CNKSR3: variants seen among roughly 807,000 people sequenced by gnomAD.
The protein encoded by CNKSR3 is connector enhancer of kinase suppressor of ras 3.
CNKSR3 carries 36 observed loss-of-function variants against 67.7 expected under a neutral mutation model. The observed-to-expected ratio is 0.53, with a 90% confidence interval of 0.41 to 0.70. The LOEUF is 0.70. CNKSR3 is among the 30% of genes least tolerant of loss of function. The pLI is 0.00. For missense variants in CNKSR3, 630 were observed against 695.2 expected (o/e 0.91, Z 1.05); for synonymous variants, 281 against 271.4 (o/e 1.04, Z -0.35).
chr6:154,502,446 C>G (rs1387749251), intron 1 of CNKSR3, among the ~76,000 whole-genome samples: 2 of 151,850 alleles, frequency 1.3e-5, no homozygotes, highest in African/African-American at 4.8e-5. Flanking sequence ...ATCCACCCAC[C>G]TCGGCCTCCC....
At chr6:154,441,846 A>C (rs9479857) in intron 3 of CNKSR3, among the ~76,000 whole-genome samples, 64,628 of 151,940 alleles carry the variant, frequency 0.43, 14,749 homozygotes, top group East Asian at 0.62. Context: ...TCTCAGTAAA[A>C]CACAACCTTT....
intron 1 of CNKSR3, among the ~76,000 whole-genome samples, chr6:154,486,704 G>C (rs897937270): frequency 3.3e-5 from 5 of 151,960 alleles, no homozygotes; most frequent in African/African-American, 1.2e-4. Flanking sequence ...ATGTTGGCCA[G>C]ACTGGTCTCG....
intron 1 of CNKSR3, among the ~76,000 whole-genome samples, chr6:154,476,747 T>C (rs368482623): frequency 3.0e-4 from 45 of 152,304 alleles, no homozygotes; most frequent in Middle Eastern, 6.8e-3. Flanking sequence ...CATTCTTTCA[T>C]AAGCAAGGAA....
rs1227696653 is a variant in CNKSR3, at chr6:154,404,851, A to C, written c.*1503T>G. On this transcript the variant is annotated 3_prime_UTR_variant, in exon 13 of 13. Transcript: ENST00000607772. The stretch of plus-strand genomic sequence containing the variant: ...CATCTCAAAAACAAACAAACAAACA[A>C]AAAAAACCAGCCTGACTGAATTCAG... 1 of 143,624 alleles carries C rather than the reference A, an allele frequency of 7.0e-6. No individual in the cohort carries two copies. Among genetic ancestry groups the C allele is most frequent in the East Asian group, 2.0e-4 (1 of 5,000 alleles). 8.9% of individuals were successfully genotyped at this position (143,624 alleles called of 1,614,324 possible).
intron 1 of CNKSR3, among the ~76,000 whole-genome samples, chr6:154,485,108 G>A (rs903333289): frequency 2.6e-5 from 4 of 152,006 alleles, no homozygotes; most frequent in Admixed American, 2.0e-4. Flanking sequence ...TAAGTTCAAA[G>A]TACAAGTTTG....
chr6:154,506,051 T>C (rs1436053931), intron 1 of CNKSR3, among the ~76,000 whole-genome samples: 1 of 152,176 alleles, frequency 6.6e-6, no homozygotes, highest in African/African-American at 2.4e-5. Flanking sequence ...AATGAAGATA[T>C]AATGCTTTTT....
chr6:154,462,110 T>G (rs1440089380), intron 1 of CNKSR3, among the ~76,000 whole-genome samples: 1 of 152,226 alleles, frequency 6.6e-6, no homozygotes, highest in Non-Finnish European at 1.5e-5. Context: ...ACAATTCGCC[T>G]ATTTAAAGTA....
At chr6:154,499,031 C>T (rs1786930587) in intron 1 of CNKSR3, among the ~76,000 whole-genome samples, 3 of 152,184 alleles carry the variant, frequency 2.0e-5, no homozygotes, top group Admixed American at 2.0e-4. Flanking sequence ...AAACATGCCC[C>T]TTCTGTGTGT....
At chr6:154,501,580 T>C (rs1165080561) in intron 1 of CNKSR3, among the ~76,000 whole-genome samples, 3 of 152,094 alleles carry the variant, frequency 2.0e-5, no homozygotes, top group African/African-American at 7.2e-5. Context: ...TCTCCTAGAA[T>C]GCCCTTCTCC....
intron 1 of CNKSR3, among the ~76,000 whole-genome samples, chr6:154,451,887 G>T (rs1306399352): frequency 1.3e-5 from 2 of 152,104 alleles, no homozygotes; most frequent in Admixed American, 6.5e-5. Context: ...AGCAAGTGAG[G>T]CTGGGGATAC....
At chr6:154,430,305 A>G (rs1439084330) in intron 6 of CNKSR3, among the ~76,000 whole-genome samples, 167 bp downstream of exon 6, 5 of 152,256 alleles carry the variant, frequency 3.3e-5, no homozygotes, top group African/African-American at 1.2e-4. Flanking sequence ...GATAGAAAAC[A>G]TATCAACAGG....
At chr6:154,480,966 T>C (rs947322899) in intron 1 of CNKSR3, among the ~76,000 whole-genome samples, 4 of 152,242 alleles carry the variant, frequency 2.6e-5, no homozygotes, top group Admixed American at 6.5e-5. Flanking sequence ...TTGATATTTA[T>C]TTGGCTTATT....
chr6:154,485,025 G>A (rs1786640724), intron 1 of CNKSR3, among the ~76,000 whole-genome samples: 1 of 152,152 alleles, frequency 6.6e-6, no homozygotes, highest in African/African-American at 2.4e-5. Context: ...CAATTCCACT[G>A]AAGGCAGAGC....
rs1444676929 is a variant in CNKSR3 at position 154,510,407 on chromosome 6, G to A, written c.-293C>T. On this transcript the variant is annotated 5_prime_UTR_variant, in exon 1 of 13. Coordinates refer to ENST00000607772, the MANE Select transcript of CNKSR3 (RefSeq NM_173515.4). ...GAGCGACGGCAGCTGCAGGCACGCC[G>A]GGCTGCGACCCCAGACCCCTGGCCT... 2.5e-5 allele frequency: 12 copies of A among 481,208 alleles called. No individual in the cohort carries two copies. Among genetic ancestry groups the A allele is most frequent in the African/African-American group, 8.4e-5 (4 of 47,744 alleles). 29.8% of individuals were successfully genotyped at this position (481,208 alleles called of 1,614,324 possible). A position where few individuals can be genotyped will look rare whatever the true frequency, so the allele number is the denominator to read the frequency against.
Position 154,510,393 on chromosome 6 carries a change from G to C in CNKSR3, c.-279C>G, listed in dbSNP as rs1014754482. 3 of 499,602 alleles carry C rather than the reference G, an allele frequency of 6.0e-6. No individual in the cohort carries two copies. Among genetic ancestry groups the C allele is most frequent in the African/African-American group, 4.2e-5 (2 of 48,126 alleles). The allele number at this position is 499,602 out of a possible 1,614,324, so 30.9% of individuals were successfully genotyped here. Reference sequence around the variant, plus strand: ...CAGCTGCTGCTCCCGAGCGACGGCAGCTGCAGGCACGCCGGGCTGCGACCC... The same window carrying C: ...CAGCTGCTGCTCCCGAGCGACGGCACCTGCAGGCACGCCGGGCTGCGACCC... On this transcript the variant is annotated 5_prime_UTR_variant, in exon 1 of 13. Coordinates refer to ENST00000607772, the MANE Select transcript of CNKSR3 (RefSeq NM_173515.4).
At chr6:154,500,403 AT>A (rs1786973385) in intron 1 of CNKSR3, among the ~76,000 whole-genome samples, 1 of 152,132 alleles carries the variant, frequency 6.6e-6, no homozygotes, top group South Asian at 2.1e-4. Context: ...GATTCAGATT[AT>A]CATAATCGCC....
At chr6:154,441,523 G>A (rs1349503095) in intron 3 of CNKSR3, 144 bp from the exon 4 acceptor site, 11 of 624,562 alleles carry the variant, frequency 1.8e-5, no homozygotes, top group Non-Finnish European at 3.1e-5. Flanking sequence ...TCACTCTGTC[G>A]CCCAGGCTGG....
At chr6:154,477,319 A>ATTAT (rs770765695) in intron 1 of CNKSR3, among the ~76,000 whole-genome samples, 2 of 151,364 alleles carry the variant, frequency 1.3e-5, no homozygotes, top group South Asian at 2.1e-4. Context: ...TTTTATTTTT[A>ATTAT]TTATTTATTT....
In CNKSR3 at chr6:154,510,556, G is replaced by A. The variant is rs1787195906; in HGVS notation, c.-442C>T. On this transcript the variant is annotated 5_prime_UTR_variant, in exon 1 of 13. Coordinates refer to ENST00000607772, the MANE Select transcript of CNKSR3 (RefSeq NM_173515.4). ...CCGGGGTCCCCGCTCCGCGTGCGCT[G>A]GCGTCCCGGAGCCTTCCCGGCGCAG... 1 of 186,692 alleles carries A rather than the reference G, an allele frequency of 5.4e-6. No homozygotes were observed. The highest frequency in any genetic ancestry group is 1.1e-5 in the Non-Finnish European group (1 of 91,116). 11.6% of individuals were successfully genotyped at this position (186,692 alleles called of 1,614,324 possible).
Sources: gnomAD v4.1 joint callset for allele counts (sites outside exome capture counted in the v4.1 genomes callset) on GRCh38, gnomAD v4.1.1 for gene constraint, MANE v1.5 for transcripts, NCBI Gene and HGNC (gene_info 2026-07-23, HGNC 2026-07-21) for gene names.